Variants in CASP9 observed in about 807,000 individuals in gnomAD.
CASP9 encodes the protein caspase 9.
Under a neutral mutation model 43.5 loss-of-function variants are expected in CASP9, and 29 were observed. The observed-to-expected ratio is 0.67, with a 90% CI of 0.50 to 0.91. The LOEUF (loss-of-function observed/expected upper bound fraction) is 0.91. CASP9 is among the 40% of genes least tolerant of loss of function. The pLI, the probability that CASP9 is intolerant of heterozygous loss-of-function variation, is 0.00. For missense variants in CASP9, 575 were observed against 537.4 expected, an observed-to-expected ratio of 1.07 and a Z score of -0.69; for synonymous variants, 206 against 211.9, an observed-to-expected ratio of 0.97 and a Z score of 0.24.
Position 15,506,974 on chromosome 1 carries a change from G to A in CASP9, c.555C>T (p.Ile185=), listed in dbSNP as rs9282624. 6.2e-6 allele frequency: 10 copies of A among 1,614,068 alleles called. No homozygotes were observed. The highest frequency in any genetic ancestry group is 2.7e-5 in the African/African-American group (2 of 74,930). Residue 185 remains isoleucine (I), a synonymous_variant, in exon 4 of 9, where the codon ATC becomes ATT. Transcript: ENST00000333868. ...AGCGACGCCGCAACTTCTCACAGTC[G>A]ATGTTGGAGCCAGTGCGGGTGCGGA... ...SGLRTRTGSN[I]DCEKLRRRFS...
chr1:15,497,448 T>C (rs1401161672), intron 6 of CASP9, among the ~76,000 whole-genome samples: 1 of 151,136 alleles, frequency 6.6e-6, no homozygotes, highest in Admixed American at 6.6e-5. Flanking sequence ...ATTGAGACCA[T>C]CCTAGCCAAC....
At chr1:15,520,992 C>T (rs1390230187) in intron 1 of CASP9, among the ~76,000 whole-genome samples, 6 of 151,836 alleles carry the variant, frequency 4.0e-5, no homozygotes, top group Non-Finnish European at 7.4e-5. Flanking sequence ...CCCATCTCTA[C>T]TAAAAATACA....
intron 2 of CASP9, among the ~76,000 whole-genome samples, chr1:15,510,614 T>C (rs557648569): frequency 2.4e-4 from 37 of 152,072 alleles, no homozygotes; most frequent in East Asian, 1.8e-3. Flanking sequence ...CAGGTGCCCA[T>C]GGAGGGAGCA....
At chr1:15,504,076 G>A (rs1034412945) in intron 6 of CASP9, among the ~76,000 whole-genome samples, 2 of 152,160 alleles carry the variant, frequency 1.3e-5, no homozygotes, top group African/African-American at 4.8e-5. Context: ...TCGAACTCCT[G>A]GCTCAAGCAA....
intron 1 of CASP9, among the ~76,000 whole-genome samples, chr1:15,519,120 C>T (rs918398037): frequency 6.6e-6 from 1 of 151,996 alleles, no homozygotes; most frequent in African/African-American, 2.4e-5. Flanking sequence ...AGTGATCCTC[C>T]AGCCTTGGCC....
chr1:15,507,962 G>C, intron 2 of CASP9, 55 bp from the exon 3 acceptor site: 1 of 1,581,286 alleles, frequency 6.3e-7, no homozygotes, highest in Admixed American at 1.7e-5. Flanking sequence ...CAGAGGAGGG[G>C]CAAGGGGCTC....
At chr1:15,505,237 G>A (rs1487016882) in intron 5 of CASP9, among the ~76,000 whole-genome samples, 1 of 152,130 alleles carries the variant, frequency 6.6e-6, no homozygotes, top group Non-Finnish European at 1.5e-5. Flanking sequence ...GTTGCTGGGC[G>A]GACTTGGAAT....
intron 6 of CASP9, among the ~76,000 whole-genome samples, chr1:15,496,743 A>G (rs561204908): frequency 1.3e-5 from 2 of 152,372 alleles, no homozygotes; most frequent in Admixed American, 1.3e-4. Context: ...GCTGAAAGAA[A>G]GAAGGCTGGA....
At chr1:15,524,571 C>T (rs1230168610), upstream of CASP9, 1 of 617,792 alleles carries the variant, frequency 1.6e-6, no homozygotes, top group African/African-American at 2.4e-5. Context: ...CGCCCCGTAT[C>T]CCCGCACTGA....
In CASP9 at chr1:15,507,905, C is replaced by T; in HGVS notation, c.421G>A (p.Ala141Thr). ...GCATTTCCCCTCAAACTCTCAAGAG[C>T]ACCTGAAGAGGCAGAGAAAGAGAGA... ...IGSGGFGDVG[A>T]LESLRGNADL... Residue 141 changes from alanine (A) to threonine (T), a missense_variant and splice_region_variant, in exon 3 of 9, where the codon GCT (alanine) becomes ACT (threonine). Physicochemically the swap from Ala to Thr is moderately conservative, Grantham distance 58. Transcript: ENST00000333868. 6.2e-7 allele frequency: 1 copy of T among 1,614,138 alleles called. No homozygotes were observed. Among genetic ancestry groups the T allele is most frequent in the Non-Finnish European group, 8.5e-7 (1 of 1,180,002 alleles).
At chr1:15,493,499 G>T (rs113871952) in intron 8 of CASP9, 11 of 1,328,160 alleles carry the variant, frequency 8.3e-6, no homozygotes, top group African/African-American at 7.3e-5. Context: ...TACAAGGAGG[G>T]GTTCACAATT....
At chr1:15,513,090 G>A (rs542909312) in intron 2 of CASP9, among the ~76,000 whole-genome samples, 5 of 151,856 alleles carry the variant, frequency 3.3e-5, no homozygotes, top group Non-Finnish European at 7.4e-5. Flanking sequence ...GAACCCAGGA[G>A]GCAGAGCTTG....
At chr1:15,521,259 G>A (rs1489090401) in intron 1 of CASP9, among the ~76,000 whole-genome samples, 1 of 146,394 alleles carries the variant, frequency 6.8e-6, no homozygotes, top group African/African-American at 2.5e-5. Flanking sequence ...GAAAAAGTGG[G>A]ACACCACCTC....
intron 8 of CASP9, chr1:15,493,642 A>G (rs911170601): frequency 7.6e-6 from 11 of 1,442,920 alleles, no homozygotes; most frequent in Admixed American, 5.4e-5. Context: ...GAGGAGCGGG[A>G]GGTGTCAACC....
intron 5 of CASP9, among the ~76,000 whole-genome samples, 186 bp downstream of exon 5, chr1:15,505,804 G>A (rs993663076): frequency 3.3e-5 from 5 of 152,184 alleles, no homozygotes; most frequent in East Asian, 3.9e-4. Context: ...TGCCCAGGAC[G>A]GTGCAGCCAA....
At chr1:15,497,657 A>T (rs35328037) in intron 6 of CASP9, among the ~76,000 whole-genome samples, 34,569 of 150,602 alleles carry the variant, frequency 0.23, 4,241 homozygotes, top group African/African-American at 0.27. Flanking sequence ...AAAAAAAAAA[A>T]AGATATAAAT....
upstream of CASP9, chr1:15,524,418 C>G (rs1037027481): frequency 3.0e-4 from 391 of 1,307,634 alleles, no homozygotes; most frequent in Non-Finnish European, 3.6e-4. Flanking sequence ...GGACGCACCT[C>G]TGCGCCTCGC....
chr1:15,498,652 T>C (rs1709203552), intron 6 of CASP9, among the ~76,000 whole-genome samples: 1 of 151,664 alleles, frequency 6.6e-6, no homozygotes, highest in South Asian at 2.1e-4. Context: ...AGGGAAGAAA[T>C]GTGTCTGGAG....
In CASP9 at chr1:15,524,205, A is replaced by G. The variant is rs1710345818; in HGVS notation, c.-5T>C. 3.2e-6 allele frequency: 5 copies of G among 1,542,590 alleles called. No individual in the cohort carries two copies. In the East Asian group the frequency reaches 1.2e-4, roughly 37 times the overall value. The stretch of plus-strand genomic sequence containing the variant: ...CCGCCGATCCGCTTCGTCCATGGCG[A>G]GTAGCCAACTAAGACTCCAGGCCGC... On this transcript the variant is annotated 5_prime_UTR_variant, in exon 1 of 9. Coordinates refer to ENST00000333868, the MANE Select transcript of CASP9 (RefSeq NM_001229.5).
Sources: gnomAD v4.1 joint callset for allele counts (sites outside exome capture counted in the v4.1 genomes callset) on GRCh38, gnomAD v4.1.1 for gene constraint, MANE v1.5 for transcripts, NCBI Gene and HGNC (gene_info 2026-07-23, HGNC 2026-07-21) for gene names.